The following CNTNAP2 variants were observed in gnomAD, a reference collection of about 807,000 sequenced individuals.
The protein encoded by CNTNAP2 is contactin associated protein 2.
CNTNAP2 carries 98 observed loss-of-function variants against 155.2 expected under a neutral mutation model. The ratio of observed to expected loss-of-function variants is 0.63; its 90% CI spans 0.54 to 0.75. The LOEUF (loss-of-function observed/expected upper bound fraction) is 0.75. Among genes scored for constraint, CNTNAP2 ranks in the 30% least tolerant of loss-of-function variants. The pLI, the probability that CNTNAP2 is intolerant of heterozygous loss-of-function variation, is 0.00. For missense variants in CNTNAP2, 1,727 were observed against 1,688.1 expected (o/e 1.02, Z -0.40); for synonymous variants, 651 against 631.2 (o/e 1.03, Z -0.47).
At chr7:146,490,527 C>T (rs1797123501) in intron 1 of CNTNAP2, among the ~76,000 whole-genome samples, 1 of 152,092 alleles carries the variant, frequency 6.6e-6, no homozygotes. Context: ...TTGAGTGAAA[C>T]AGGTATGAAC....
intron 16 of CNTNAP2, among the ~76,000 whole-genome samples, chr7:148,144,526 G>A (rs59230943): frequency 0.069 from 10,449 of 152,162 alleles, 632 homozygotes; most frequent in African/African-American, 0.16. Context: ...AGCATCATCA[G>A]ACTGTGGCCA....
At chr7:146,780,675 C>T (rs1172617641) in intron 2 of CNTNAP2, among the ~76,000 whole-genome samples, 2 of 151,942 alleles carry the variant, frequency 1.3e-5, no homozygotes, top group Non-Finnish European at 2.9e-5. Flanking sequence ...ATATACACCA[C>T]GGAACACTAT....
chr7:147,837,878 A>G (rs1798659174), intron 13 of CNTNAP2, among the ~76,000 whole-genome samples: 2 of 152,150 alleles, frequency 1.3e-5, no homozygotes, highest in South Asian at 4.1e-4. Flanking sequence ...TTTGCAGGCT[A>G]TAGCCTCCCT....
At chr7:147,570,466 A>G (rs779600503) in intron 12 of CNTNAP2, among the ~76,000 whole-genome samples, 1 of 152,208 alleles carries the variant, frequency 6.6e-6, no homozygotes, top group Non-Finnish European at 1.5e-5. Context: ...TTGTTCTGTA[A>G]AAACTTTGAC....
chr7:146,264,425 T>C (rs1342133467), intron 1 of CNTNAP2, among the ~76,000 whole-genome samples: 2 of 151,130 alleles, frequency 1.3e-5, no homozygotes, highest in Non-Finnish European at 2.9e-5. Flanking sequence ...CACTCCAGCC[T>C]GGGCAATACA....
intron 21 of CNTNAP2, among the ~76,000 whole-genome samples, chr7:148,337,250 C>T (rs935139234): frequency 1.3e-5 from 2 of 151,984 alleles, no homozygotes; most frequent in African/African-American, 2.4e-5. Context: ...TGAGAGGCAT[C>T]GCTCCAGCCT....
intron 13 of CNTNAP2, among the ~76,000 whole-genome samples, chr7:147,737,999 A>G (rs536204559): frequency 6.6e-6 from 1 of 152,304 alleles, no homozygotes; most frequent in Non-Finnish European, 1.5e-5. Flanking sequence ...GCTTCGGCTC[A>G]TGCTCGGTGC....
At chr7:147,645,688 T>C (rs1465993135) in intron 13 of CNTNAP2, among the ~76,000 whole-genome samples, 1 of 152,116 alleles carries the variant, frequency 6.6e-6, no homozygotes, top group Non-Finnish European at 1.5e-5. Context: ...AGTAGGAGAA[T>C]AAGTCAACAA....
rs147793693 is a variant in CNTNAP2 at position 147,221,414 on chromosome 7, C to T, written c.1349-78727C>T. On this transcript the variant is annotated intron_variant, in intron 8 of 23. Transcript: ENST00000361727. Reference sequence around the variant, plus strand: ...AGCAGCCAGCAATACCTGTCAATGTCATGTTCCTTGATATGCAGCAGTGAT... The same window carrying T: ...AGCAGCCAGCAATACCTGTCAATGTTATGTTCCTTGATATGCAGCAGTGAT... Among the ~76,000 whole-genome samples, 403 of 152,194 alleles carry T rather than the reference C, an allele frequency of 2.6e-3. 1 individual carries two copies. The highest frequency in any genetic ancestry group is 9.1e-3 in the African/African-American group (378 of 41,524).
chr7:148,037,041 T>C (rs1802584326), intron 15 of CNTNAP2, among the ~76,000 whole-genome samples: 2 of 152,222 alleles, frequency 1.3e-5, no homozygotes, highest in Admixed American at 1.3e-4. Context: ...GCTAGGCCTC[T>C]TTAAAATTTT....
At chr7:147,897,892 C>G (rs1585016677) in intron 13 of CNTNAP2, among the ~76,000 whole-genome samples, 1 of 152,268 alleles carries the variant, frequency 6.6e-6, no homozygotes, top group East Asian at 1.9e-4. Context: ...AAAGGAGAAG[C>G]AAATGACTTA....
intron 8 of CNTNAP2, among the ~76,000 whole-genome samples, chr7:147,239,390 A>G (rs897609997): frequency 9.2e-5 from 14 of 151,782 alleles, no homozygotes; most frequent in African/African-American, 3.1e-4. Context: ...GTCACCTGCA[A>G]TACCAGCTAC....
intron 20 of CNTNAP2, among the ~76,000 whole-genome samples, chr7:148,238,542 G>A (rs1585208934): frequency 6.6e-6 from 1 of 152,110 alleles, no homozygotes; most frequent in South Asian, 2.1e-4. Flanking sequence ...AAATGTTTAC[G>A]CAAAATTAAG....
At chr7:146,338,622 C>A (rs1584876591) in intron 1 of CNTNAP2, among the ~76,000 whole-genome samples, 1 of 152,172 alleles carries the variant, frequency 6.6e-6, no homozygotes, top group Admixed American at 6.5e-5. Context: ...AATACCCACT[C>A]ATGGCTCAAC....
At chr7:148,161,413 A>G (rs1236231442) in intron 17 of CNTNAP2, among the ~76,000 whole-genome samples, 1 of 152,138 alleles carries the variant, frequency 6.6e-6, no homozygotes, top group African/African-American at 2.4e-5. Context: ...GAAAAACAAA[A>G]GTTCAGGGCC....
chr7:147,880,919 G>T (rs1799509928), intron 13 of CNTNAP2, among the ~76,000 whole-genome samples: 2 of 147,964 alleles, frequency 1.4e-5, no homozygotes, highest in Non-Finnish European at 3.0e-5. Flanking sequence ...ATCAGTCTTA[G>T]ATGCCAGTGG....
At chr7:147,891,952 A>G (rs1404197771) in intron 13 of CNTNAP2, among the ~76,000 whole-genome samples, 1 of 152,234 alleles carries the variant, frequency 6.6e-6, no homozygotes, top group African/African-American at 2.4e-5. Flanking sequence ...ATATGTATGA[A>G]GAATGATTTA....
intron 11 of CNTNAP2, among the ~76,000 whole-genome samples, chr7:147,561,888 A>G (rs1175654147): frequency 6.6e-6 from 1 of 152,220 alleles, no homozygotes; most frequent in East Asian, 1.9e-4. Context: ...ACATTTATTT[A>G]AGGATTGATT....
rs187237798 is a variant in CNTNAP2 at position 147,489,421 on chromosome 7, A to G, written c.1777+3380A>G. Among the ~76,000 whole-genome samples the G allele has an allele frequency of 7.2e-5, 11 of 152,362 alleles. No individual in the cohort carries two copies. In the East Asian group the frequency reaches 1.9e-3, roughly 27 times the overall value. ...GGCAAGTTTGTTACAAAATGCAAAT[A>G]CATTAAATTGTTGAAGTTTTAAACT... On this transcript the variant is annotated intron_variant, in intron 11 of 23. Coordinates refer to ENST00000361727, the MANE Select transcript of CNTNAP2 (RefSeq NM_014141.6).
Sources: allele counts gnomAD v4.1 joint callset (sites outside exome capture counted in the v4.1 genomes callset), GRCh38; gene constraint gnomAD v4.1.1; transcripts MANE v1.5; gene names NCBI Gene and HGNC (gene_info 2026-07-23, HGNC 2026-07-21).